SGCD: variants seen among roughly 807,000 people sequenced by gnomAD.
The protein encoded by SGCD is delta-sarcoglycan.
In SGCD, 18 loss-of-function variants were observed where a neutral mutation model predicts 36.6. The ratio of observed to expected loss-of-function variants is 0.49; its 90% CI spans 0.34 to 0.73. The LOEUF (loss-of-function observed/expected upper bound fraction) is 0.73, where lower values mean the gene tolerates loss of function less well. Ranked by LOEUF, SGCD falls within the 30% of genes least tolerant of loss-of-function variation. The pLI, the probability that SGCD is intolerant of heterozygous loss-of-function variation, is 0.01. For missense variants in SGCD, 387 were observed against 346.7 expected (o/e 1.12, Z -0.92); for synonymous variants, 133 against 130.6 (o/e 1.02, Z -0.12).
chr5:156,228,686 G>A (rs939614143), intron 3 of SGCD, among the ~76,000 whole-genome samples: 104 of 152,008 alleles, frequency 6.8e-4, no homozygotes, highest in Admixed American at 6.8e-3. Context: ...CATGCTATTT[G>A]TTGCCTGTAT....
intron 1 of SGCD, among the ~76,000 whole-genome samples, chr5:156,102,075 C>T (rs1274420742): frequency 6.6e-6 from 1 of 151,904 alleles, no homozygotes; most frequent in Admixed American, 6.6e-5. Flanking sequence ...ATTACTAGGA[C>T]TTTGAGTAGC....
At chr5:156,213,209 A>G (rs1412401869) in intron 3 of SGCD, among the ~76,000 whole-genome samples, 1 of 152,016 alleles carries the variant, frequency 6.6e-6, no homozygotes, top group Non-Finnish European at 1.5e-5. Flanking sequence ...TAATAAAACT[A>G]AGGGTTGTTT....
rs2113083402 is a variant in SGCD at position 156,741,329 on chromosome 5, C to T, written c.576-16252C>T. 1.3e-5 allele frequency among the ~76,000 whole-genome samples: 2 copies of T among 152,278 alleles called. 1 individual carries two copies. Among genetic ancestry groups the T allele is most frequent in the South Asian group, 4.1e-4 (2 of 4,826 alleles). On this transcript the variant is annotated intron_variant, in intron 7 of 8. Transcript: ENST00000337851. ...GAGAACAAACTGATAATGCCAACAG[C>T]TAATAAATTATTCTCTTAGTTTTCA... is the stretch of plus-strand genomic sequence containing the variant.
At chr5:155,795,291 C>A in the SGCD span, among the ~76,000 whole-genome samples, 2 of 152,022 alleles carry the variant, frequency 1.3e-5, no homozygotes, top group East Asian at 3.9e-4. Flanking sequence ...ATGTCTTATG[C>A]AGTTCAATAG....
At chr5:156,363,216 C>T (rs186477022) in intron 3 of SGCD, among the ~76,000 whole-genome samples, 102 of 152,292 alleles carry the variant, frequency 6.7e-4, no homozygotes, top group South Asian at 2.9e-3. Flanking sequence ...ACAATAACCT[C>T]TTCACTACTG....
At chr5:156,477,657 T>C (rs75932857) in intron 3 of SGCD, among the ~76,000 whole-genome samples, 3,075 of 117,294 alleles carry the variant, frequency 0.026, 35 homozygotes, top group Non-Finnish European at 0.036. Flanking sequence ...TGGTTTTTTA[T>C]AGACAACACA....
In SGCD at chr5:156,736,013, C is replaced by G. The variant is rs574301794; in HGVS notation, c.576-21568C>G. Reference sequence around the variant, plus strand: ...GGAGAAGAGTTTTCCTGGGATCACACAATCACTCGCTGCTTACCTTGGCAA... The same window carrying G: ...GGAGAAGAGTTTTCCTGGGATCACAGAATCACTCGCTGCTTACCTTGGCAA... On this transcript the variant is annotated intron_variant, in intron 7 of 8. Coordinates refer to ENST00000337851, the MANE Select transcript of SGCD (RefSeq NM_000337.6). Among the ~76,000 whole-genome samples the G allele has an allele frequency of 3.3e-5, 5 of 152,236 alleles. No homozygotes were observed. The East Asian group carries it at 9.7e-4, about 29-fold the overall frequency.
In SGCD at chr5:156,178,141, C is replaced by A. The variant is rs79892475; in HGVS notation, c.-44+54122C>A. 4.1e-3 allele frequency among the ~76,000 whole-genome samples: 624 copies of A among 152,022 alleles called. 5 individuals carry two copies. Among genetic ancestry groups the A allele is most frequent in the Middle Eastern group, 0.031 (9 of 294 alleles). ...TTATTGAATAACATACTGTGAAAAA[C>A]TGTGATTGTGTGGGTATTCAAAGTA... is the stretch of plus-strand genomic sequence containing the variant. On this transcript the variant is annotated intron_variant, in intron 3 of 9. Coordinates refer to the SGCD transcript ENST00000517913.
intron 3 of SGCD, among the ~76,000 whole-genome samples, chr5:156,223,738 C>T (rs79724109): frequency 0.02 from 3,088 of 152,004 alleles, 105 homozygotes; most frequent in African/African-American, 0.067. Context: ...AGGCTAAATG[C>T]AGAGGGGGGA....
intron 1 of SGCD, among the ~76,000 whole-genome samples, chr5:156,007,977 G>A (rs964106538): frequency 2.0e-5 from 3 of 152,170 alleles, no homozygotes; most frequent in Non-Finnish European, 4.4e-5. Flanking sequence ...CCTATAGGAC[G>A]TAAGTCAGGT....
intron 3 of SGCD, among the ~76,000 whole-genome samples, chr5:156,233,248 G>A (rs1765066714): frequency 6.6e-6 from 1 of 152,190 alleles, no homozygotes; most frequent in Non-Finnish European, 1.5e-5. Context: ...TCCAGAGAAA[G>A]GCAATTATTT....
intron 3 of SGCD, among the ~76,000 whole-genome samples, chr5:156,280,138 G>A (rs1474744498): frequency 6.6e-6 from 1 of 152,014 alleles, no homozygotes; most frequent in Non-Finnish European, 1.5e-5. Context: ...TCAACAGTAT[G>A]CATTTTTGCC....
chr5:156,646,506 C>A (rs1215838733), intron 6 of SGCD, among the ~76,000 whole-genome samples: 1 of 152,144 alleles, frequency 6.6e-6, no homozygotes, highest in Non-Finnish European at 1.5e-5. Context: ...AACACCACAC[C>A]ATTCAAAAGC....
the SGCD span, among the ~76,000 whole-genome samples, chr5:155,790,896 C>T: frequency 6.6e-6 from 1 of 152,086 alleles, no homozygotes; most frequent in African/African-American, 2.4e-5. Context: ...GAATTTCCTA[C>T]CTATCTGTCT....
At chr5:156,346,883 C>T (rs964954005) in intron 3 of SGCD, among the ~76,000 whole-genome samples, 44 of 152,092 alleles carry the variant, frequency 2.9e-4, no homozygotes, top group African/African-American at 9.2e-4. Context: ...CTGCCAGCTC[C>T]ACCTCCCGGG....
chr5:155,769,550 A>G, the SGCD span, among the ~76,000 whole-genome samples: 2 of 152,046 alleles, frequency 1.3e-5, no homozygotes, highest in African/African-American at 2.4e-5. Flanking sequence ...GTTGAATGGT[A>G]GCCAGGATGG....
intron 3 of SGCD, among the ~76,000 whole-genome samples, chr5:156,186,902 A>C (rs1376391173): frequency 1.3e-5 from 2 of 152,176 alleles, no homozygotes; most frequent in Non-Finnish European, 2.9e-5. Context: ...TTCCCAAGTC[A>C]ATGGCCTTTA....
intron 3 of SGCD, among the ~76,000 whole-genome samples, chr5:156,369,934 T>G (rs1770296094): frequency 6.6e-6 from 1 of 152,244 alleles, no homozygotes; most frequent in Non-Finnish European, 1.5e-5. Flanking sequence ...AGTCATTAGT[T>G]TGATCTGAAC....
chr5:156,229,564 G>T (rs1275315322), intron 3 of SGCD, among the ~76,000 whole-genome samples: 2 of 151,538 alleles, frequency 1.3e-5, no homozygotes, highest in African/African-American at 2.4e-5. Context: ...TCCTTTTTAC[G>T]TTACCTGGTG....
Sources: gnomAD v4.1 joint callset for allele counts (sites outside exome capture counted in the v4.1 genomes callset) on GRCh38, gnomAD v4.1.1 for gene constraint, MANE v1.5 for transcripts, NCBI Gene and HGNC (gene_info 2026-07-23, HGNC 2026-07-21) for gene names.